CEP135: variants seen among roughly 807,000 people sequenced by gnomAD.
The protein encoded by CEP135 is centrosomal protein 135, also known as centrosomal protein of 135 kDa.
Under a neutral mutation model 157.3 loss-of-function variants are expected in CEP135, and 142 were observed. The ratio of observed to expected loss-of-function variants is 0.90; its 90% CI spans 0.79 to 1.04. CEP135 has a LOEUF of 1.04. Among genes scored for constraint, CEP135 ranks in the 50% least tolerant of loss-of-function variants. The pLI is 0.00. For missense variants in CEP135, 1,317 were observed against 1,309.2 expected (o/e 1.01, Z -0.09); for synonymous variants, 396 against 439.8 (o/e 0.90, Z 1.25).
chr4:56,025,314 C>T (rs1313004680), intron 25 of CEP135, among the ~76,000 whole-genome samples: 4 of 152,130 alleles, frequency 2.6e-5, no homozygotes, highest in African/African-American at 9.7e-5. Flanking sequence ...AAAGAGAAGA[C>T]ATCTACAGCA....
chr4:55,964,281 T>C lies in CEP135; in HGVS notation c.707T>C (p.Leu236Pro). ...GCATGACTATATCTTCAGATTGAGCTAAGAGAACGAGAGATAGAACGACTG... is the reference window on the plus strand; with the variant it reads ...GCATGACTATATCTTCAGATTGAGCCAAGAGAACGAGAGATAGAACGACTG... Reference protein sequence around the residue: ...GVRDYSKQIELREREIERLSV... With the variant: ...GVRDYSKQIEPREREIERLSV... Residue 236 changes from leucine to proline, a missense_variant, in exon 7 of 26, where the codon CTA becomes CCA. Leu to Pro is a moderately conservative substitution (Grantham distance 98). Transcript: ENST00000257287. The C allele has an allele frequency of 3.1e-6, 5 of 1,608,964 alleles. No individual in the cohort carries two copies. The highest frequency in any genetic ancestry group is 4.2e-6 in the Non-Finnish European group (5 of 1,178,128).
chr4:55,979,009 T>G (rs1729313880), intron 11 of CEP135, among the ~76,000 whole-genome samples: 1 of 152,236 alleles, frequency 6.6e-6, no homozygotes, highest in African/African-American at 2.4e-5. Context: ...TTTTGCTTAT[T>G]TAACCAAGAG....
At chr4:55,997,944 G>A (rs1339974636) in intron 15 of CEP135, among the ~76,000 whole-genome samples, 1 of 152,112 alleles carries the variant, frequency 6.6e-6, no homozygotes, top group African/African-American at 2.4e-5. Flanking sequence ...ACTTGGTTTT[G>A]TTTAGTTTTG....
At chr4:56,004,993 T>G (rs1331334352) in intron 17 of CEP135, among the ~76,000 whole-genome samples, 1 of 152,002 alleles carries the variant, frequency 6.6e-6, no homozygotes, top group Non-Finnish European at 1.5e-5. Flanking sequence ...CCCTTTTTAT[T>G]GTCATCCTTC....
intron 4 of CEP135, 93 bp downstream of exon 4, chr4:55,954,476 T>G (rs1034206888): frequency 4.0e-5 from 44 of 1,098,284 alleles, no homozygotes; most frequent in Non-Finnish European, 4.6e-5. Context: ...GATTGGATTT[T>G]CATGCTTAGA....
In CEP135 at chr4:55,999,513, T is replaced by G; in HGVS notation, c.2148T>G (p.Thr716=). The part of the protein sequence containing the change: ...EKIDELNLKM[T]SQDEEAHVMK... ...TAGATGAACTAAACCTTAAGATGACTTCACAGGATGAGGAGGCTCATGTAA... is the reference window on the plus strand; with the variant it reads ...TAGATGAACTAAACCTTAAGATGACGTCACAGGATGAGGAGGCTCATGTAA... Residue 716 remains threonine, a synonymous_variant, in exon 17 of 26, where the codon ACT becomes ACG. Coordinates refer to ENST00000257287, the MANE Select transcript of CEP135 (RefSeq NM_025009.5). The G allele has an allele frequency of 6.2e-7, 1 of 1,611,514 alleles. No individual in the cohort carries two copies. Among genetic ancestry groups the G allele is most frequent in the South Asian group, 1.1e-5 (1 of 90,358 alleles).
chr4:56,015,127 T>C (rs981070344), intron 21 of CEP135, among the ~76,000 whole-genome samples: 3 of 152,132 alleles, frequency 2.0e-5, no homozygotes, highest in East Asian at 3.9e-4. Flanking sequence ...AGAGTATGGC[T>C]AGAAAACCTC....
At chr4:56,016,668 G>A (rs1376235468) in intron 21 of CEP135, among the ~76,000 whole-genome samples, 1 of 151,948 alleles carries the variant, frequency 6.6e-6, no homozygotes, top group Non-Finnish European at 1.5e-5. Flanking sequence ...GATTTTCAAT[G>A]TGGATTTGTG....
chr4:56,019,651 A>T (rs775635319), intron 23 of CEP135, 96 bp downstream of exon 23: 2 of 1,003,262 alleles, frequency 2.0e-6, no homozygotes, highest in Non-Finnish European at 2.9e-6. Context: ...AGTATGAAAG[A>T]TAGGCCAGGT....
Position 55,988,457 on chromosome 4 carries a change from C to T in CEP135, c.1857+3099C>T, listed in dbSNP as rs1456239018. Among the ~76,000 whole-genome samples the T allele has an allele frequency of 2.0e-5, 3 of 151,958 alleles. No homozygotes were observed. In the East Asian group the frequency reaches 5.8e-4, roughly 29 times the overall value. ...GGAGGATCACTTGAGGTTAGCAGTT[C>T]AAGACCAGCCTGGCCAACATGGTCA... On this transcript the variant is annotated intron_variant, in intron 14 of 25. Coordinates refer to ENST00000257287, the MANE Select transcript of CEP135 (RefSeq NM_025009.5).
rs542239807 is a variant in CEP135 at position 56,027,369 on chromosome 4, A to G, written c.*11+2755A>G. On this transcript the variant is annotated intron_variant, in intron 25 of 25. Coordinates refer to ENST00000257287, the MANE Select transcript of CEP135 (RefSeq NM_025009.5). ...AGCACAGCCACACCCATTTGTTAAC[A>G]GATTGTCTAAGACTGCTTTACTACA... Among the ~76,000 whole-genome samples, 6 of 152,332 alleles carry G rather than the reference A, an allele frequency of 3.9e-5. No individual in the cohort carries two copies. The South Asian group carries it at 8.3e-4, about 21-fold the overall frequency.
At position 55,999,312 on chromosome 4, in the gene CEP135, G is replaced by A. The variant is rs1730081177; in HGVS notation, c.2020G>A (p.Glu674Lys). ...TEVNSLRIVN[E>K]QLQRSVDDYQ... ...CCATTGATTCTTTAGGATAGTGAAT[G>A]AGCAGCTACAGCGGTCAGTTGATGA... is the stretch of plus-strand genomic sequence containing the variant. The change falls in exon 16 of 26, where the codon GAG (glutamate) becomes AAG (lysine). Residue 674 changes from glutamate (E) to lysine (K), a missense_variant. Transcript: ENST00000257287. The A allele has an allele frequency of 6.2e-7, 1 of 1,613,228 alleles. No homozygotes were observed. The highest frequency in any genetic ancestry group is 1.7e-4 in the Middle Eastern group (1 of 6,060).
In CEP135 at chr4:55,988,831, G is replaced by C. The variant is rs370861349; in HGVS notation, c.1858-3103G>C. ...CAAAAATTAGCCGGGCGTGGTGGCG[G>C]GCGCATGTAGTCCCAGCTACTCGGG... On this transcript the variant is annotated intron_variant, in intron 14 of 25. Transcript: ENST00000257287. Among the ~76,000 whole-genome samples, 1,129 of 146,844 alleles carry C rather than the reference G, an allele frequency of 7.7e-3. 10 individuals carry two copies. The highest frequency in any genetic ancestry group is 0.018 in the South Asian group (83 of 4,572).
chr4:56,018,152 G>GT (rs1210885230), intron 22 of CEP135, among the ~76,000 whole-genome samples: 1 of 152,000 alleles, frequency 6.6e-6, no homozygotes, highest in Non-Finnish European at 1.5e-5. Context: ...GCTAATTTTT[G>GT]TATTTTTAGT....
At chr4:56,003,391 G>A (rs369253195) in intron 17 of CEP135, among the ~76,000 whole-genome samples, 5 of 152,096 alleles carry the variant, frequency 3.3e-5, no homozygotes, top group African/African-American at 1.2e-4. Context: ...TGTATTTTTA[G>A]TAGAGATGGG....
chr4:55,972,969 T>A (rs975955150), intron 10 of CEP135, among the ~76,000 whole-genome samples: 2 of 151,886 alleles, frequency 1.3e-5, no homozygotes, highest in Non-Finnish European at 2.9e-5. Context: ...AGGCGGAGGT[T>A]GCAGTGAGCC....
chr4:55,992,488 G>A (rs1039409214), intron 15 of CEP135, among the ~76,000 whole-genome samples: 4 of 152,024 alleles, frequency 2.6e-5, no homozygotes, highest in Non-Finnish European at 5.9e-5. Flanking sequence ...TCAGTGAAAC[G>A]TAAAGTCAAA....
chr4:55,964,049 T>C (rs572838031), intron 6 of CEP135, among the ~76,000 whole-genome samples: 1 of 152,352 alleles, frequency 6.6e-6, no homozygotes, highest in African/African-American at 2.4e-5. Context: ...ATCTATGTAG[T>C]AAAAATACAT....
At chr4:56,025,510 G>A (rs1731129233) in intron 25 of CEP135, among the ~76,000 whole-genome samples, 1 of 152,174 alleles carries the variant, frequency 6.6e-6, no homozygotes, top group African/African-American at 2.4e-5. Context: ...TTGGAAGGTA[G>A]AGTGGGATAT....
Sources: allele counts gnomAD v4.1 joint callset (sites outside exome capture counted in the v4.1 genomes callset), GRCh38; gene constraint gnomAD v4.1.1; transcripts MANE v1.5; gene names NCBI Gene and HGNC (gene_info 2026-07-23, HGNC 2026-07-21).